The following CCSER1 variants were observed in gnomAD, a reference collection of about 807,000 sequenced individuals.
CCSER1 encodes serine-rich coiled-coil domain-containing protein 1.
Under a neutral mutation model 82.0 loss-of-function variants are expected in CCSER1, and 41 were observed. The ratio of observed to expected loss-of-function variants is 0.50; its 90% CI spans 0.39 to 0.65. The LOEUF is 0.65. Among genes scored for constraint, CCSER1 ranks in the 30% least tolerant of loss-of-function variants. The probability of loss-of-function intolerance (pLI) is 0.00; values close to 1 mark genes in which losing one functional copy is unlikely to be tolerated. For missense variants in CCSER1, 1,119 were observed against 1,064.2 expected, an observed-to-expected ratio of 1.05 and a Z score of -0.72; for synonymous variants, 414 against 383.9, an observed-to-expected ratio of 1.08 and a Z score of -0.92.
chr4:90,252,887 G>T (rs1722649670), intron 1 of CCSER1, among the ~76,000 whole-genome samples: 1 of 151,366 alleles, frequency 6.6e-6, no homozygotes, highest in Non-Finnish European at 1.5e-5. Flanking sequence ...TTGCATTCCT[G>T]TCATTTTTAT....
chr4:91,042,242 GT>G (rs1484976628), intron 9 of CCSER1, among the ~76,000 whole-genome samples: 1 of 152,110 alleles, frequency 6.6e-6, no homozygotes, highest in African/African-American at 2.4e-5. Context: ...CACGAGGTCT[GT>G]TGGCTTTATA....
At chr4:91,595,467 A>T (rs187337971) in intron 10 of CCSER1, among the ~76,000 whole-genome samples, 1 of 152,282 alleles carries the variant, frequency 6.6e-6, no homozygotes, top group Non-Finnish European at 1.5e-5. Context: ...AAGATGAAAT[A>T]AATACCTCTC....
At chr4:90,268,269 T>G (rs1300394546) in intron 1 of CCSER1, among the ~76,000 whole-genome samples, 1 of 152,126 alleles carries the variant, frequency 6.6e-6, no homozygotes, top group Non-Finnish European at 1.5e-5. Flanking sequence ...GTTGTAATTG[T>G]GGTGTGTAAA....
intron 10 of CCSER1, among the ~76,000 whole-genome samples, chr4:91,351,605 C>A (rs1307037115): frequency 6.6e-6 from 1 of 151,962 alleles, no homozygotes; most frequent in South Asian, 2.1e-4. Context: ...TTTATTAAAT[C>A]ATTTAAGAAT....
At chr4:91,116,719 A>G (rs535631690) in intron 10 of CCSER1, among the ~76,000 whole-genome samples, 3 of 152,342 alleles carry the variant, frequency 2.0e-5, no homozygotes. Flanking sequence ...GGATAGGAAT[A>G]AACTATCTAA....
intron 1 of CCSER1, among the ~76,000 whole-genome samples, chr4:90,260,935 T>A (rs1291028921): frequency 6.6e-6 from 1 of 152,120 alleles, no homozygotes; most frequent in Non-Finnish European, 1.5e-5. Context: ...AGGCTGGTCT[T>A]GAACTCCTGA....
chr4:90,378,484 A>G (rs76911662), intron 3 of CCSER1, among the ~76,000 whole-genome samples: 487 of 152,300 alleles, frequency 3.2e-3, no homozygotes, highest in African/African-American at 0.011. Context: ...CTGTACTTAT[A>G]CTGGCAAATG....
At chr4:91,183,059 G>A (rs1734192959) in intron 10 of CCSER1, among the ~76,000 whole-genome samples, 1 of 152,204 alleles carries the variant, frequency 6.6e-6, no homozygotes, top group African/African-American at 2.4e-5. Flanking sequence ...AATCCCTTTA[G>A]TCAAAGGTCC....
chr4:90,715,524 C>A (rs1741482006), intron 6 of CCSER1, among the ~76,000 whole-genome samples: 1 of 151,962 alleles, frequency 6.6e-6, no homozygotes, highest in Non-Finnish European at 1.5e-5. Flanking sequence ...AAGAGCAAAG[C>A]TAAGTCAACA....
intron 10 of CCSER1, among the ~76,000 whole-genome samples, chr4:91,351,901 A>G (rs1360319375): frequency 6.6e-6 from 1 of 152,144 alleles, no homozygotes; most frequent in Non-Finnish European, 1.5e-5. Context: ...ACCCTCCAAC[A>G]TAGTCTACTG....
chr4:90,538,947 TA>T (rs1034800107), intron 5 of CCSER1, among the ~76,000 whole-genome samples: 10 of 151,988 alleles, frequency 6.6e-5, no homozygotes, highest in African/African-American at 2.4e-4. Context: ...ATTAATAAAA[TA>T]AAAAAATTAT....
At chr4:91,395,581 A>G (rs1473926304) in intron 10 of CCSER1, among the ~76,000 whole-genome samples, 1 of 152,026 alleles carries the variant, frequency 6.6e-6, no homozygotes, top group Non-Finnish European at 1.5e-5. Context: ...TATATACAAT[A>G]AGGGGGTCTA....
chr4:90,398,402 A>C (rs1752346436), intron 3 of CCSER1, among the ~76,000 whole-genome samples: 1 of 152,200 alleles, frequency 6.6e-6, no homozygotes, highest in South Asian at 2.1e-4. Flanking sequence ...AAATTGGATA[A>C]ATTAGTATCC....
intron 9 of CCSER1, among the ~76,000 whole-genome samples, chr4:91,021,010 T>G (rs1013938973): frequency 6.6e-6 from 1 of 152,172 alleles, no homozygotes; most frequent in Non-Finnish European, 1.5e-5. Flanking sequence ...TCAAAGTTAG[T>G]GTCTTAAAGA....
chr4:91,134,528 C>T (rs1728287515), intron 10 of CCSER1, among the ~76,000 whole-genome samples: 3 of 152,028 alleles, frequency 2.0e-5, no homozygotes, highest in African/African-American at 7.2e-5. Flanking sequence ...CAGATTCTAA[C>T]ATACTGAATA....
chr4:91,089,803 A>G (rs897755422), intron 10 of CCSER1, among the ~76,000 whole-genome samples: 1 of 152,182 alleles, frequency 6.6e-6, no homozygotes, highest in Non-Finnish European at 1.5e-5. Flanking sequence ...GCATGGGTAC[A>G]TGTGCCAGTT....
intron 10 of CCSER1, among the ~76,000 whole-genome samples, chr4:91,211,167 G>A (rs984526208): frequency 5.9e-5 from 9 of 151,918 alleles, no homozygotes; most frequent in Non-Finnish European, 1.0e-4. Flanking sequence ...ATAGAGAATG[G>A]GCAAAGGTAA....
intron 10 of CCSER1, among the ~76,000 whole-genome samples, chr4:91,534,560 T>C (rs2110177170): frequency 6.6e-6 from 1 of 152,150 alleles, no homozygotes; most frequent in Admixed American, 6.6e-5. Flanking sequence ...TTGTGAAGAT[T>C]AAGTGAACTA....
At chr4:91,596,292 T>C (rs1434985299) in intron 10 of CCSER1, among the ~76,000 whole-genome samples, 4 of 151,984 alleles carry the variant, frequency 2.6e-5, no homozygotes, top group African/African-American at 7.2e-5. Flanking sequence ...ATTAAAATAG[T>C]GGAAATGAAG....
Sources: gnomAD v4.1 joint callset for allele counts (sites outside exome capture counted in the v4.1 genomes callset) on GRCh38, gnomAD v4.1.1 for gene constraint, MANE v1.5 for transcripts, NCBI Gene and HGNC (gene_info 2026-07-23, HGNC 2026-07-21) for gene names.